Variants in PLEKHH2 observed in about 807,000 individuals in gnomAD.
PLEKHH2 encodes pleckstrin homology, MyTH4 and FERM domain containing H2, also known as pleckstrin homology domain-containing family H member 2.
In PLEKHH2, 129 loss-of-function variants were observed where a neutral mutation model predicts 187.9. That is an observed-to-expected ratio of 0.69 (90% confidence interval 0.59 to 0.79). PLEKHH2 has a LOEUF of 0.79. PLEKHH2 is among the 30% of genes least tolerant of loss of function. The pLI is 0.00. For synonymous variants in PLEKHH2, 686 were observed against 605.6 expected (o/e 1.13, Z -1.95); for missense variants, 2,076 against 1,751.2 (o/e 1.19, Z -3.31).
chr2:43,752,583 A>T (rs1305961717), intron 24 of PLEKHH2, among the ~76,000 whole-genome samples: 1 of 152,176 alleles, frequency 6.6e-6, no homozygotes, highest in Non-Finnish European at 1.5e-5. Flanking sequence ...ATGCAAAGTT[A>T]TAGCCAAACT....
At chr2:43,749,294 A>AT (rs1266455886) in intron 24 of PLEKHH2, among the ~76,000 whole-genome samples, 1 of 152,210 alleles carries the variant, frequency 6.6e-6, no homozygotes, top group Non-Finnish European at 1.5e-5. Context: ...ATAGAAAGGA[A>AT]TGTCTGGGTT....
At chr2:43,698,502 C>T (rs1037867095) in intron 7 of PLEKHH2, among the ~76,000 whole-genome samples, 25 of 152,172 alleles carry the variant, frequency 1.6e-4, no homozygotes, top group African/African-American at 5.8e-4. Context: ...CCAGCCTTGG[C>T]CTCCCAAAAG....
chr2:43,644,908 T>C, intron 2 of PLEKHH2, 112 bp downstream of exon 2: 1 of 1,199,106 alleles, frequency 8.3e-7, no homozygotes, highest in Non-Finnish European at 1.1e-6. Flanking sequence ...TGTCAAGTAT[T>C]TGAAGCTATA....
intron 17 of PLEKHH2, among the ~76,000 whole-genome samples, chr2:43,729,185 A>G (rs1026465156): frequency 1.3e-5 from 2 of 152,204 alleles, no homozygotes; most frequent in African/African-American, 4.8e-5. Context: ...ATCTACATAT[A>G]TATTATCATA....
At chr2:43,705,251 C>CTTTTTT (rs5830767) in intron 9 of PLEKHH2, among the ~76,000 whole-genome samples, 4,242 of 95,700 alleles carry the variant, frequency 0.044, 191 homozygotes, top group Non-Finnish European at 0.051. Flanking sequence ...AAATTTTATC[C>CTTTTTT]TTTTTTTTTT....
chr2:43,745,706 A>G (rs1042936068), intron 23 of PLEKHH2, among the ~76,000 whole-genome samples, 160 bp from the exon 24 acceptor site: 10 of 152,250 alleles, frequency 6.6e-5, no homozygotes, highest in Non-Finnish European at 1.2e-4. Flanking sequence ...ATTTATAATT[A>G]CATACTAAAC....
chr2:43,738,229 C>A (rs768740503), intron 19 of PLEKHH2, 112 bp from the exon 20 acceptor site: 18 of 882,588 alleles, frequency 2.0e-5, no homozygotes, highest in Non-Finnish European at 2.8e-5. Context: ...ATAATATATC[C>A]TTTTCCATCA....
intron 3 of PLEKHH2, among the ~76,000 whole-genome samples, chr2:43,684,218 C>T (rs986823817): frequency 1.1e-4 from 16 of 151,188 alleles, no homozygotes; most frequent in African/African-American, 3.2e-4. Flanking sequence ...CCTTCCTTTC[C>T]CTTCCCTTCT....
At chr2:43,752,114 G>A (rs1672035167) in intron 24 of PLEKHH2, among the ~76,000 whole-genome samples, 1 of 152,132 alleles carries the variant, frequency 6.6e-6, no homozygotes, top group Non-Finnish European at 1.5e-5. Flanking sequence ...GGATTACAGT[G>A]ATGAGTATGA....
At chr2:43,681,299 CT>C in intron 3 of PLEKHH2, 2 of 766,378 alleles carry the variant, frequency 2.6e-6, no homozygotes, top group Non-Finnish European at 2.1e-6. Context: ...GACTGTAACT[CT>C]GTCTGTGTTG....
At chr2:43,707,297 G>T (rs530376922) in intron 10 of PLEKHH2, 104 bp from the exon 11 acceptor site, 210 of 1,298,214 alleles carry the variant, frequency 1.6e-4, no homozygotes, top group Admixed American at 8.0e-4. Context: ...CAGGGAGGTT[G>T]CTCTGCTTTT....
At chr2:43,648,419 C>T (rs1343039353) in intron 2 of PLEKHH2, among the ~76,000 whole-genome samples, 1 of 152,094 alleles carries the variant, frequency 6.6e-6, no homozygotes, top group African/African-American at 2.4e-5. Flanking sequence ...GAACTCCTGA[C>T]CTTGTGATCC....
At chr2:43,760,624 A>C (rs1005019049) in intron 27 of PLEKHH2, among the ~76,000 whole-genome samples, 4 of 152,080 alleles carry the variant, frequency 2.6e-5, no homozygotes, top group African/African-American at 9.7e-5. Flanking sequence ...CGGCCTCCCA[A>C]AGTGCTGGGA....
intron 24 of PLEKHH2, among the ~76,000 whole-genome samples, chr2:43,752,193 C>T (rs1361312412): frequency 6.6e-6 from 1 of 152,096 alleles, no homozygotes; most frequent in East Asian, 1.9e-4. Flanking sequence ...AAAAGAAAGG[C>T]TTTCATCTTA....
At chr2:43,694,677 C>T (rs1267651827) in intron 5 of PLEKHH2, among the ~76,000 whole-genome samples, 163 bp downstream of exon 5, 1 of 151,974 alleles carries the variant, frequency 6.6e-6, no homozygotes, top group Non-Finnish European at 1.5e-5. Flanking sequence ...ATTTTAATAT[C>T]CAGTGTATTT....
chr2:43,731,139 G>T (rs1039558864), intron 18 of PLEKHH2, among the ~76,000 whole-genome samples: 4 of 152,124 alleles, frequency 2.6e-5, no homozygotes, highest in African/African-American at 9.7e-5. Context: ...GGAAAGGGTG[G>T]GAAGGGGGTG....
At chr2:43,692,369 A>C (rs183156719) in intron 3 of PLEKHH2, 145 bp from the exon 4 acceptor site, 11 of 601,328 alleles carry the variant, frequency 1.8e-5, no homozygotes, top group African/African-American at 1.7e-4. Context: ...CTTTATAATC[A>C]TTAAATATAT....
At chr2:43,764,205 T>C (rs771657014) in intron 28 of PLEKHH2, 23 bp from the exon 29 acceptor site, 9 of 1,356,634 alleles carry the variant, frequency 6.6e-6, no homozygotes, top group South Asian at 1.8e-5. Context: ...ATATAACATA[T>C]ATACTTTTTC....
At chr2:43,656,078 C>A (rs961298470) in intron 2 of PLEKHH2, among the ~76,000 whole-genome samples, 2 of 151,962 alleles carry the variant, frequency 1.3e-5, no homozygotes, top group South Asian at 4.2e-4. Flanking sequence ...TATGCCTCAG[C>A]CTCCCGAGTA....
Sources: gnomAD v4.1 joint callset for allele counts (sites outside exome capture counted in the v4.1 genomes callset) on GRCh38, gnomAD v4.1.1 for gene constraint, MANE v1.5 for transcripts, NCBI Gene and HGNC (gene_info 2026-07-23, HGNC 2026-07-21) for gene names.